The following IGF2BP2 variants were observed in gnomAD, a reference collection of about 807,000 sequenced individuals.
IGF2BP2 encodes the protein insulin like growth factor 2 mRNA binding protein 2, also known as insulin-like growth factor 2 mRNA-binding protein 2.
In IGF2BP2, 17 loss-of-function variants were observed where a neutral mutation model predicts 75.8. The observed-to-expected ratio is 0.22, with a 90% CI of 0.15 to 0.34. The LOEUF is 0.34. Among genes scored for constraint, IGF2BP2 ranks in the 10% least tolerant of loss-of-function variants. The pLI, the probability that IGF2BP2 is intolerant of heterozygous loss-of-function variation, is 1.00. For synonymous variants in IGF2BP2, 288 were observed against 295.6 expected (o/e 0.97, Z 0.26); for missense variants, 516 against 772.4 (o/e 0.67, Z 3.93).
chr3:185,672,524 C>A lies in IGF2BP2; in HGVS notation c.1200+17G>T, dbSNP rs1336336885. On this transcript the variant is annotated intron_variant, in intron 10 of 15. Transcript: ENST00000382199. ...TGCCCAGCGCATAAGCAAACCTCCA[C>A]AAGCTGAGCTACTTACAGTGAAGGG... The A allele has an allele frequency of 1.2e-6, 2 of 1,609,774 alleles. No homozygotes were observed. Among genetic ancestry groups the A allele is most frequent in the Non-Finnish European group, 1.7e-6 (2 of 1,178,130 alleles).
intron 2 of IGF2BP2, among the ~76,000 whole-genome samples, chr3:185,778,501 A>G (rs894563135): frequency 3.9e-5 from 6 of 152,202 alleles, no homozygotes; most frequent in Non-Finnish European, 8.8e-5. Context: ...CCCTCTCAGG[A>G]TTAACTGATT....
At chr3:185,708,204 G>A (rs1024564281) in intron 2 of IGF2BP2, among the ~76,000 whole-genome samples, 2 of 152,046 alleles carry the variant, frequency 1.3e-5, no homozygotes, top group African/African-American at 2.4e-5. Flanking sequence ...TTGACTTGTG[G>A]TCTCTATATA....
chr3:185,808,132 A>AAG (rs1553896279), intron 2 of IGF2BP2, among the ~76,000 whole-genome samples: 19 of 128,744 alleles, frequency 1.5e-4, no homozygotes, highest in Non-Finnish European at 2.4e-4. Context: ...AAAAAAAAAA[A>AAG]AAAGAAAGAA....
At chr3:185,676,078 AT>A in intron 7 of IGF2BP2, among the ~76,000 whole-genome samples, 165 bp from the exon 8 acceptor site, 1 of 152,276 alleles carries the variant, frequency 6.6e-6, no homozygotes, top group Non-Finnish European at 1.5e-5. Flanking sequence ...CAGTTCATGA[AT>A]TTTGATTAAC....
intron 2 of IGF2BP2, 38 bp from the exon 3 acceptor site, chr3:185,698,385 A>T: frequency 6.3e-7 from 1 of 1,587,276 alleles, no homozygotes. Context: ...CACTTTCTCC[A>T]GGACACAAAC....
At chr3:185,742,216 A>G (rs1215124417) in intron 2 of IGF2BP2, among the ~76,000 whole-genome samples, 2 of 150,724 alleles carry the variant, frequency 1.3e-5, no homozygotes, top group African/African-American at 4.9e-5. Context: ...TTAGCCGGCC[A>G]GGCACAGTGG....
intron 2 of IGF2BP2, among the ~76,000 whole-genome samples, chr3:185,816,149 C>T (rs1364874888): frequency 6.6e-6 from 1 of 152,202 alleles, no homozygotes; most frequent in African/African-American, 2.4e-5. Context: ...GACTTTCATT[C>T]ACCACATGGC....
At chr3:185,777,495 AAAC>A (rs965173373) in intron 2 of IGF2BP2, among the ~76,000 whole-genome samples, 7 of 152,330 alleles carry the variant, frequency 4.6e-5, no homozygotes, top group South Asian at 2.1e-4. Context: ...TGTCTCAAAA[AAAC>A]AACAACAATA....
chr3:185,662,224 TC>T (rs1476457748), intron 10 of IGF2BP2, among the ~76,000 whole-genome samples: 17 of 152,088 alleles, frequency 1.1e-4, no homozygotes, highest in African/African-American at 3.1e-4. Flanking sequence ...AAGCCTGTAA[TC>T]CCAGCACTTT....
rs528468027 is a variant in IGF2BP2 at position 185,657,310 on chromosome 3, C to T, written c.1362G>A (p.Ala454=). Residue 454 remains alanine, a synonymous_variant, in exon 12 of 16, where the codon GCG becomes GCA. Transcript: ENST00000382199. The stretch of plus-strand genomic sequence containing the variant: ...CCTTGATAGAGGCTCCGGCGAATCT[C>T]GCCAGCTGTTTGATGTGTGCCCCCT... ...GKKGAHIKQL[A]RFAGASIKIA... is the part of the protein sequence containing the mutation. 24 of 1,613,682 alleles carry T rather than the reference C, an allele frequency of 1.5e-5. No homozygotes were observed. The highest frequency in any genetic ancestry group is 8.0e-5 in the African/African-American group (6 of 74,924).
intron 10 of IGF2BP2, among the ~76,000 whole-genome samples, chr3:185,665,482 AAGGAGGAGAAGG>A (rs1484945512): frequency 0.014 from 576 of 42,626 alleles, 42 homozygotes; most frequent in Non-Finnish European, 0.015. Context: ...GAAGGAGAAG[AAGGAGGAGAAGG>A]AGGAGGAGAA....
intron 2 of IGF2BP2, among the ~76,000 whole-genome samples, chr3:185,802,818 C>A (rs1220782864): frequency 3.3e-5 from 5 of 152,122 alleles, no homozygotes; most frequent in African/African-American, 1.2e-4. Context: ...TGAGAACATC[C>A]ACAAACACTT....
chr3:185,783,290 A>T (rs1735442552), intron 2 of IGF2BP2, among the ~76,000 whole-genome samples: 1 of 152,208 alleles, frequency 6.6e-6, no homozygotes, highest in Non-Finnish European at 1.5e-5. Context: ...TGCTCTGAGA[A>T]GGTCATGGAA....
intron 2 of IGF2BP2, among the ~76,000 whole-genome samples, chr3:185,698,653 G>A (rs1376718784): frequency 1.3e-5 from 2 of 149,706 alleles, no homozygotes; most frequent in African/African-American, 4.9e-5. Flanking sequence ...TTTTAAGACA[G>A]AGTCCTGCTC....
intron 2 of IGF2BP2, among the ~76,000 whole-genome samples, chr3:185,774,952 G>A (rs900427672): frequency 3.3e-5 from 5 of 151,300 alleles, no homozygotes; most frequent in East Asian, 3.9e-4. Flanking sequence ...CCTGGGAGGC[G>A]GGGCTTGCAG....
chr3:185,749,227 G>A (rs1269058314), intron 2 of IGF2BP2, among the ~76,000 whole-genome samples: 3 of 152,182 alleles, frequency 2.0e-5, no homozygotes, highest in Non-Finnish European at 4.4e-5. Context: ...ACTGAGAACA[G>A]TAATTTAACC....
chr3:185,716,272 CT>C (rs1464043917), intron 2 of IGF2BP2, among the ~76,000 whole-genome samples: 1 of 152,088 alleles, frequency 6.6e-6, no homozygotes, highest in Non-Finnish European at 1.5e-5. Flanking sequence ...AATGATTCCT[CT>C]GCCCAGCATA....
chr3:185,681,126 C>T (rs997652250), intron 7 of IGF2BP2, among the ~76,000 whole-genome samples: 3 of 151,936 alleles, frequency 2.0e-5, no homozygotes, highest in African/African-American at 4.8e-5. Flanking sequence ...AAAAGGCATT[C>T]GAATTGGAAA....
intron 2 of IGF2BP2, among the ~76,000 whole-genome samples, chr3:185,744,415 T>G (rs938583641): frequency 6.6e-6 from 1 of 152,232 alleles, no homozygotes; most frequent in Non-Finnish European, 1.5e-5. Context: ...GTATAAATGT[T>G]CATTGTAGGA....
Sources: allele counts gnomAD v4.1 joint callset (sites outside exome capture counted in the v4.1 genomes callset), GRCh38; gene constraint gnomAD v4.1.1; transcripts MANE v1.5; gene names NCBI Gene and HGNC (gene_info 2026-07-23, HGNC 2026-07-21).